Variants in PPM1E observed in about 807,000 individuals in gnomAD.
The protein encoded by PPM1E is protein phosphatase, Mg2+/Mn2+ dependent 1E.
A neutral mutation model predicts 65.9 loss-of-function variants in PPM1E; 20 were observed. The observed-to-expected ratio is 0.30, with a 90% CI of 0.21 to 0.44. The LOEUF (loss-of-function observed/expected upper bound fraction) is 0.44, where lower values mean the gene tolerates loss of function less well. Among genes scored for constraint, PPM1E ranks in the 20% least tolerant of loss-of-function variants. PPM1E has a pLI of 1.00. For synonymous variants in PPM1E, 352 were observed against 374.9 expected (o/e 0.94, Z 0.70); for missense variants, 713 against 953.1 (o/e 0.75, Z 3.32).
Position 58,815,947 on chromosome 17 carries a change from A to G in PPM1E, c.464+59486A>G, listed in dbSNP as rs73331030. Among the ~76,000 whole-genome samples, 1,400 of 152,310 alleles carry G rather than the reference A, an allele frequency of 9.2e-3. 26 individuals are homozygous for G. Among genetic ancestry groups the G allele is most frequent in the African/African-American group, 0.031 (1,295 of 41,572 alleles). ...ACGTACATTCTACCTGCATTATGATAAAAAATATTGATAAAATAAAAATAT... is the reference window on the plus strand; with the variant it reads ...ACGTACATTCTACCTGCATTATGATGAAAAATATTGATAAAATAAAAATAT... On this transcript the variant is annotated intron_variant, in intron 1 of 6. Coordinates refer to ENST00000308249, the MANE Select transcript of PPM1E (RefSeq NM_014906.5).
chr17:58,815,093 A>G (rs1000536845), intron 1 of PPM1E, among the ~76,000 whole-genome samples: 2 of 152,156 alleles, frequency 1.3e-5, no homozygotes, highest in South Asian at 2.1e-4. Flanking sequence ...TTTGCCCTCT[A>G]TTTACTTCAG....
At chr17:58,860,292 C>T (rs4132924) in intron 1 of PPM1E, among the ~76,000 whole-genome samples, 37,699 of 152,118 alleles carry the variant, frequency 0.25, 5,436 homozygotes, top group Middle Eastern at 0.42. Context: ...TAACCATGGC[C>T]ATGGATTGGT....
intron 1 of PPM1E, among the ~76,000 whole-genome samples, chr17:58,885,343 C>T (rs549617170): frequency 6.6e-6 from 1 of 152,328 alleles, no homozygotes; most frequent in South Asian, 2.1e-4. Context: ...AGGCATGAGC[C>T]ACCGTGCCCA....
chr17:58,932,470 AAAAC>A lies in PPM1E; in HGVS notation c.465-23170_465-23167del, dbSNP rs147847071. 8.1e-3 allele frequency among the ~76,000 whole-genome samples: 1,229 copies of A among 152,276 alleles called. 20 individuals are homozygous for A. The highest frequency in any genetic ancestry group is 0.027 in the African/African-American group (1,142 of 41,530). On this transcript the variant is annotated intron_variant, in intron 1 of 6. Transcript: ENST00000308249. ...GGCAACAGAGCAAGACGCTGTCTCA[AAAAC>A]AAACAAACCACTAGCAGGAGGATGT...
At chr17:58,968,134 C>G (rs953656637) in intron 3 of PPM1E, among the ~76,000 whole-genome samples, 14 of 152,092 alleles carry the variant, frequency 9.2e-5, no homozygotes, top group Middle Eastern at 3.4e-3. Flanking sequence ...TTAATCCGTC[C>G]TTCATGTCAT....
At chr17:58,927,325 A>C (rs2051835871) in intron 1 of PPM1E, among the ~76,000 whole-genome samples, 1 of 150,574 alleles carries the variant, frequency 6.6e-6, no homozygotes, top group Admixed American at 6.6e-5. Context: ...TAGAGAGGGG[A>C]TTTCACCGTG....
intron 2 of PPM1E, among the ~76,000 whole-genome samples, chr17:58,958,858 C>T (rs1598678613): frequency 6.6e-6 from 1 of 151,976 alleles, no homozygotes; most frequent in African/African-American, 2.4e-5. Context: ...GCTGGGATTA[C>T]AGGCATGAGC....
chr17:58,980,418 G>A lies in PPM1E; in HGVS notation c.1655G>A (p.Arg552Lys). The change falls in exon 7 of 7, where the codon AGA (arginine) becomes AAA (lysine). Residue 552 changes from arginine to lysine, a missense_variant. Transcript: ENST00000308249. The surrounding 1 kb of genome is among the most constrained non-coding windows in gnomAD (Gnocchi z 4.7). ...YDGRVDSFTDRTSLSPGSQIN... is the reference protein window; with the variant it reads ...YDGRVDSFTDKTSLSPGSQIN... ...GGGCGTGTGGATTCATTCACTGATA[G>A]AACTAGCCTGAGCCCAGGGTCCCAA... The A allele has an allele frequency of 3.7e-6, 6 of 1,614,120 alleles. No individual in the cohort carries two copies. The highest frequency in any genetic ancestry group is 4.2e-6 in the Non-Finnish European group (5 of 1,180,014).
chr17:58,781,166 A>G (rs1289280558), intron 1 of PPM1E, among the ~76,000 whole-genome samples: 25 of 122,666 alleles, frequency 2.0e-4, no homozygotes, highest in Admixed American at 1.7e-3. Flanking sequence ...TTTGAAACGG[A>G]GTCTTTCTCT....
At chr17:58,845,816 G>C (rs1462582580) in intron 1 of PPM1E, among the ~76,000 whole-genome samples, 1 of 152,142 alleles carries the variant, frequency 6.6e-6, no homozygotes, top group Non-Finnish European at 1.5e-5. Context: ...AAGTAGCTGG[G>C]ACTACAGGCG....
rs538139713 is a variant in PPM1E at position 58,904,972 on chromosome 17, C to T, written c.465-50677C>T. On this transcript the variant is annotated intron_variant, in intron 1 of 6. Transcript: ENST00000308249. ...CCAGAAGGCGGAGGTTTTGGTGAGCCGAGGTCGTGCCATTGCACTCCAGCC... is the reference window on the plus strand; with the variant it reads ...CCAGAAGGCGGAGGTTTTGGTGAGCTGAGGTCGTGCCATTGCACTCCAGCC... 7.9e-5 allele frequency among the ~76,000 whole-genome samples: 12 copies of T among 152,050 alleles called. No individual in the cohort carries two copies. The South Asian group carries it at 1.9e-3, about 24-fold the overall frequency.
intron 1 of PPM1E, among the ~76,000 whole-genome samples, chr17:58,868,646 T>C (rs1389898859): frequency 1.3e-5 from 2 of 151,402 alleles, no homozygotes; most frequent in African/African-American, 4.8e-5. Context: ...TTTAGGGGTT[T>C]TAATTGGTTG....
chr17:58,869,914 G>T (rs1009657825), intron 1 of PPM1E, among the ~76,000 whole-genome samples: 1 of 152,172 alleles, frequency 6.6e-6, no homozygotes, highest in Non-Finnish European at 1.5e-5. Context: ...TGAACGAATT[G>T]ATATAAGTCA....
chr17:58,899,575 G>C, intron 1 of PPM1E: 1 of 223,744 alleles, frequency 4.5e-6, no homozygotes, highest in East Asian at 1.1e-4. Context: ...CTGTAAAATT[G>C]ACAGAGGGGG....
At chr17:58,830,837 A>ATAGTGTG (rs1208001053) in intron 1 of PPM1E, among the ~76,000 whole-genome samples, 5 of 151,170 alleles carry the variant, frequency 3.3e-5, no homozygotes, top group African/African-American at 1.2e-4. Context: ...AGCGTGTGCC[A>ATAGTGTG]CCATGCCTGG....
intron 1 of PPM1E, among the ~76,000 whole-genome samples, chr17:58,781,321 A>G (rs1445543806): frequency 6.6e-6 from 1 of 151,816 alleles, no homozygotes; most frequent in Non-Finnish European, 1.5e-5. Context: ...TTGTATTTCT[A>G]GTAGAGACGG....
At chr17:58,958,212 AT>A (rs200552957) in intron 2 of PPM1E, among the ~76,000 whole-genome samples, 71 of 146,640 alleles carry the variant, frequency 4.8e-4, no homozygotes, top group South Asian at 4.3e-4. Flanking sequence ...ATTTTTATTT[AT>A]TTTTTTTTTT....
At chr17:58,907,401 G>A (rs62083412) in intron 1 of PPM1E, among the ~76,000 whole-genome samples, 56,568 of 151,582 alleles carry the variant, frequency 0.37, 10,699 homozygotes, top group Middle Eastern at 0.51. Context: ...CATGTTTTAT[G>A]GCCCAGAATG....
chr17:58,812,469 T>G (rs192604529), intron 1 of PPM1E, among the ~76,000 whole-genome samples: 5 of 152,298 alleles, frequency 3.3e-5, no homozygotes, highest in Admixed American at 3.3e-4. Context: ...AAATGTCATC[T>G]GATCACCTGA....
Sources: gnomAD v4.1 joint callset for allele counts (sites outside exome capture counted in the v4.1 genomes callset) on GRCh38, gnomAD v4.1.1 for gene constraint, Gnocchi (gnomAD v3.1) non-coding constraint, MANE v1.5 for transcripts, NCBI Gene and HGNC (gene_info 2026-07-23, HGNC 2026-07-21) for gene names.